CACNA1S: variants seen among roughly 807,000 people sequenced by gnomAD.
CACNA1S encodes calcium voltage-gated channel subunit alpha1 S.
Under a neutral mutation model 207.4 loss-of-function variants are expected in CACNA1S, and 126 were observed. The observed-to-expected ratio is 0.61, with a 90% CI of 0.53 to 0.70. The LOEUF (loss-of-function observed/expected upper bound fraction) is 0.70, where lower values mean the gene tolerates loss of function less well. Ranked by LOEUF, CACNA1S falls within the 30% of genes least tolerant of loss-of-function variation. The pLI is 0.00. For missense variants in CACNA1S, 2,349 were observed against 2,422.8 expected (o/e 0.97, Z 0.64); for synonymous variants, 960 against 932.7 (o/e 1.03, Z -0.53).
chr1:201,099,713 G>T (rs934651854), intron 2 of CACNA1S, among the ~76,000 whole-genome samples: 1 of 152,204 alleles, frequency 6.6e-6, no homozygotes. Flanking sequence ...TCTCCACACA[G>T]GCTTGGCAGG....
In CACNA1S at chr1:201,043,279, A is replaced by T; in HGVS notation, c.5048+2T>A. The T allele has an allele frequency of 6.2e-7, 1 of 1,614,088 alleles. No homozygotes were observed. The highest frequency in any genetic ancestry group is 8.5e-7 in the Non-Finnish European group (1 of 1,180,002). On this transcript the variant is annotated splice_donor_variant, in intron 40 of 43. Transcript: ENST00000362061. LOFTEE classifies it high-confidence loss of function. ...CCCAGGGATGGCAGTGGCCGCCACT[A>T]CCTGGAAAACACATGGCTGTTGCTA...
chr1:201,072,888 A>G (rs1025373945), intron 15 of CACNA1S, 64 bp from the exon 16 acceptor site: 1 of 1,229,988 alleles, frequency 8.1e-7, no homozygotes, highest in Non-Finnish European at 1.2e-6. Context: ...CTCAATGAGC[A>G]TATACTGGAG....
rs1661496975 is a variant in CACNA1S, at chr1:201,073,600, G to C, written c.2106C>G (p.Ala702=). The change falls in exon 15 of 44, where the codon GCC becomes GCG. Residue 702 remains alanine, a synonymous_variant. Coordinates refer to ENST00000362061, the MANE Select transcript of CACNA1S (RefSeq NM_000069.3). ...CCTTGGGTTTCTGCTCCAGCTTCTT[G>C]GCCATCGTTGACTTCTCCTCTTCTG... ...DKSEEEKSTM[A]KKLEQKPKGE... The C allele has an allele frequency of 6.2e-7, 1 of 1,614,196 alleles. No individual in the cohort carries two copies. The highest frequency in any genetic ancestry group is 1.3e-5 in the African/African-American group (1 of 75,052).
chr1:201,060,907 A>C, intron 25 of CACNA1S, 91 bp from the exon 26 acceptor site: 2 of 1,506,384 alleles, frequency 1.3e-6, no homozygotes, highest in South Asian at 2.3e-5. Flanking sequence ...GCAAGTCAGG[A>C]GCAGCTGTGG....
At chr1:201,068,274 C>CT (rs1661320933) in intron 19 of CACNA1S, among the ~76,000 whole-genome samples, 1 of 104,980 alleles carries the variant, frequency 9.5e-6, no homozygotes, top group Non-Finnish European at 1.7e-5. Context: ...GATGGAGTCT[C>CT]TCTCGTCACC....
At chr1:201,040,919 G>A (rs1660156536) in intron 41 of CACNA1S, among the ~76,000 whole-genome samples, 1 of 152,198 alleles carries the variant, frequency 6.6e-6, no homozygotes, top group Admixed American at 6.5e-5. Context: ...TACTGGCCCT[G>A]GTCGCTGTTC....
intron 8 of CACNA1S, 103 bp from the exon 9 acceptor site, chr1:201,085,134 T>C: frequency 1.2e-6 from 1 of 848,704 alleles, no homozygotes; most frequent in East Asian, 2.4e-5. Flanking sequence ...CAGAGACATC[T>C]GCAACAATGG....
chr1:201,090,186 T>C (rs888439987), intron 5 of CACNA1S, among the ~76,000 whole-genome samples: 4 of 152,158 alleles, frequency 2.6e-5, no homozygotes, highest in Non-Finnish European at 4.4e-5. Context: ...GGAGAGGACA[T>C]TGATGGGTCT....
At chr1:201,101,910 G>A (rs1662681891) in intron 2 of CACNA1S, among the ~76,000 whole-genome samples, 1 of 151,882 alleles carries the variant, frequency 6.6e-6, no homozygotes. Flanking sequence ...AGTACAAGAA[G>A]AAAAGAAAAA....
intron 2 of CACNA1S, among the ~76,000 whole-genome samples, chr1:201,103,139 G>A (rs370906643): frequency 8.6e-4 from 131 of 152,144 alleles, no homozygotes; most frequent in Non-Finnish European, 1.5e-3. Context: ...CCAGCTATGC[G>A]GGAGGCTGAG....
At chr1:201,047,445 C>G in intron 37 of CACNA1S, 80 bp downstream of exon 37, 4 of 1,340,876 alleles carry the variant, frequency 3.0e-6, no homozygotes, top group Non-Finnish European at 4.3e-6. Flanking sequence ...TTCTCAGATT[C>G]CCATGGGGCT....
At position 201,075,984 on chromosome 1, in the gene CACNA1S, C is replaced by T. The variant is rs188610107; in HGVS notation, c.1828-369G>A. Among the ~76,000 whole-genome samples, 6 of 152,334 alleles carry T rather than the reference C, an allele frequency of 3.9e-5. No individual in the cohort carries two copies. The East Asian group carries it at 1.2e-3, about 29-fold the overall frequency. ...TTGGGAGGCTGAGGTAGGAGAATTG[C>T]TTGAACCCAGGAGGTGGAGGTTGCA... is the stretch of plus-strand genomic sequence containing the variant. On this transcript the variant is annotated intron_variant, in intron 12 of 43. Transcript: ENST00000362061.
chr1:201,077,121 C>A lies in CACNA1S; in HGVS notation c.1626G>T (p.Trp542Cys). The A allele has an allele frequency of 1.2e-6, 2 of 1,613,874 alleles. No individual in the cohort carries two copies. The highest frequency in any genetic ancestry group is 1.7e-6 in the Non-Finnish European group (2 of 1,179,884). Residue 542 changes from tryptophan (W) to cysteine (C), a missense_variant, in exon 12 of 44, where the codon TGG (tryptophan) becomes TGT (cysteine). Physicochemically the swap from Trp to Cys is radical, Grantham distance 215. Coordinates refer to ENST00000362061, the MANE Select transcript of CACNA1S (RefSeq NM_000069.3). ...ATGCCACCAGGTTGCTCAGCGACGT[C>A]CAATATCTGAAGGAAGAGGAGGCAC... ...LLRIFKITKYWTSLSNLVASL... is the reference protein window; with the variant it reads ...LLRIFKITKYCTSLSNLVASL...
At chr1:201,100,401 T>C (rs1662609584) in intron 2 of CACNA1S, among the ~76,000 whole-genome samples, 1 of 152,204 alleles carries the variant, frequency 6.6e-6, no homozygotes, top group Non-Finnish European at 1.5e-5. Context: ...GGCCCTGGCA[T>C]CTCCACAAAC....
chr1:201,040,854 G>A (rs975343909), intron 41 of CACNA1S, 141 bp from the exon 42 acceptor site: 5 of 683,384 alleles, frequency 7.3e-6, no homozygotes, highest in Non-Finnish European at 1.1e-5. Flanking sequence ...GTCTTAGAGG[G>A]TGGACACATG....
At chr1:201,087,325 G>A (rs1489019630) in intron 7 of CACNA1S, among the ~76,000 whole-genome samples, 1 of 152,182 alleles carries the variant, frequency 6.6e-6, no homozygotes, top group Non-Finnish European at 1.5e-5. Context: ...AGCTCACACA[G>A]CCACCAAGCA....
intron 9 of CACNA1S, 131 bp from the exon 10 acceptor site, chr1:201,083,453 C>T: frequency 1.1e-6 from 1 of 892,204 alleles, no homozygotes; most frequent in Non-Finnish European, 1.9e-6. Context: ...ATGAGAGAAG[C>T]TCAGGGCATG....
At chr1:201,108,333 A>G (rs1289782141) in intron 2 of CACNA1S, among the ~76,000 whole-genome samples, 2 of 152,092 alleles carry the variant, frequency 1.3e-5, no homozygotes, top group East Asian at 3.9e-4. Flanking sequence ...GAACTATTGG[A>G]TGCAAGATTT....
Position 201,053,710 on chromosome 1 carries a change from C to T in CACNA1S, c.3667-123G>A, listed in dbSNP as rs1660738756. 8 of 1,010,134 alleles carry T rather than the reference C, an allele frequency of 7.9e-6. No homozygotes were observed. Among genetic ancestry groups the T allele is most frequent in the Non-Finnish European group, 1.2e-5 (8 of 682,552 alleles). 62.6% of individuals were successfully genotyped at this position (1,010,134 alleles called of 1,614,324 possible). On this transcript the variant is annotated intron_variant, in intron 29 of 43. Transcript: ENST00000362061. This position sits in a 1 kb window ranked among gnomAD's most constrained non-coding sequence, Gnocchi z 5.1. ...TGTTTGTGGCATGGAGGAACTCCAG[C>T]CCCGCCTCTGGCCCCTGCTGTCCAC...
Sources: allele counts gnomAD v4.1 joint callset (sites outside exome capture counted in the v4.1 genomes callset), GRCh38; gene constraint gnomAD v4.1.1; non-coding constraint Gnocchi (gnomAD v3.1); transcripts MANE v1.5; gene names NCBI Gene and HGNC (gene_info 2026-07-23, HGNC 2026-07-21).